Variants in INTS14 observed in about 807,000 individuals in gnomAD.
INTS14 encodes the protein UPF0464 protein C15orf44.
In INTS14, 27 loss-of-function variants were observed where a neutral mutation model predicts 56.9. That is an observed-to-expected ratio of 0.47 (90% CI 0.35 to 0.65). INTS14 has a LOEUF of 0.65. Ranked by LOEUF, INTS14 falls within the 30% of genes least tolerant of loss-of-function variation. The pLI is 0.00. For missense variants in INTS14, 517 were observed against 632.2 expected, an observed-to-expected ratio of 0.82 and a Z score of 1.95; for synonymous variants, 207 against 236.2, an observed-to-expected ratio of 0.88 and a Z score of 1.13.
chr15:65,595,583 AT>A, intron 7 of INTS14, 149 bp downstream of exon 7: 1 of 618,978 alleles, frequency 1.6e-6, no homozygotes, highest in South Asian at 2.0e-5. Context: ...CTTTTTTGAT[AT>A]ATTAGGCAAT....
In INTS14 at chr15:65,599,687, C is replaced by A. The variant is rs1596258654; in HGVS notation, c.486+87G>T. 15 of 1,410,974 alleles carry A rather than the reference C, an allele frequency of 1.1e-5. No individual in the cohort carries two copies. In the East Asian group the frequency reaches 2.6e-4, roughly 24 times the overall value. The allele number at this position is 1,410,974 out of a possible 1,614,324, so 87.4% of individuals were successfully genotyped here. On this transcript the variant is annotated intron_variant, in intron 4 of 11. Transcript: ENST00000313182. Reference sequence around the variant, plus strand: ...ATGGAGTTCAATGCTACAGTATATACAATATAGCACTAGTGGTATATACTG... The same window carrying A: ...ATGGAGTTCAATGCTACAGTATATAAAATATAGCACTAGTGGTATATACTG...
At chr15:65,582,658 G>A (rs2072668578) in intron 10 of INTS14, among the ~76,000 whole-genome samples, 1 of 152,266 alleles carries the variant, frequency 6.6e-6, no homozygotes, top group East Asian at 1.9e-4. Flanking sequence ...TGATCTCTTA[G>A]TTAAGACAGC....
intron 1 of INTS14, chr15:65,610,884 C>A: frequency 6.7e-7 from 1 of 1,496,226 alleles, no homozygotes; most frequent in Non-Finnish European, 8.9e-7. Flanking sequence ...CGAAATCGTG[C>A]AGTTTACGCG....
chr15:65,596,894 T>C (rs546725932), intron 6 of INTS14, among the ~76,000 whole-genome samples: 1 of 152,320 alleles, frequency 6.6e-6, no homozygotes, highest in South Asian at 2.1e-4. Flanking sequence ...AGTGTGCTTC[T>C]CTGGAGATTT....
rs775976141 is a variant in INTS14, at chr15:65,607,457, T to C, written c.-62-15A>G. 3.2e-6 allele frequency: 5 copies of C among 1,576,140 alleles called. No homozygotes were observed. Among genetic ancestry groups the C allele is most frequent in the Non-Finnish European group, 4.3e-6 (5 of 1,156,768 alleles). On this transcript the variant is annotated splice_polypyrimidine_tract_variant and intron_variant, in intron 1 of 11. Transcript: ENST00000313182. ...ACGAAGAAATGCTGCAGAAAATAAA[T>C]ACGTTCTTACATGTCATGGAGAGAA... is the stretch of plus-strand genomic sequence containing the variant.
chr15:65,593,557 CCCA>C lies in INTS14; in HGVS notation c.854_856del (p.Val285del). 6.2e-7 allele frequency: 1 copy of C among 1,612,276 alleles called. No individual in the cohort carries two copies. Among genetic ancestry groups the C allele is most frequent in the Non-Finnish European group, 8.5e-7 (1 of 1,179,466 alleles). On this transcript the variant is annotated inframe_deletion, in exon 8 of 12. Transcript: ENST00000313182. ...TTCATTGTCATCAGTGATGCCAGTA[CCCA>C]CCTCATCACCTTCTGTGAAAAAAAG... is the stretch of plus-strand genomic sequence containing the variant.
chr15:65,607,315 G>A lies in INTS14; in HGVS notation c.66C>T (p.Ser22=), dbSNP rs369672173. The part of the protein sequence containing the change: ...SMTRPVSIEG[S]EEYQRKHLAA... The stretch of plus-strand genomic sequence containing the variant: ...CTAGGTGCTTACGCTGGTATTCCTC[G>A]GACCCCTCAATAGACACAGGTCGGG... Residue 22 remains serine (S), a synonymous_variant, in exon 2 of 12, where the codon TCC becomes TCT. Coordinates refer to ENST00000313182, the MANE Select transcript of INTS14 (RefSeq NM_001394796.1). The A allele has an allele frequency of 1.5e-5, 24 of 1,613,956 alleles. No homozygotes were observed. The highest frequency in any genetic ancestry group is 7.7e-5 in the South Asian group (7 of 91,080).
intron 1 of INTS14, 175 bp downstream of exon 1, chr15:65,610,923 G>C: frequency 6.8e-7 from 1 of 1,465,008 alleles, no homozygotes; most frequent in South Asian, 1.4e-5. Context: ...CTCAGAGCGA[G>C]GGGAGGCCGG....
intron 8 of INTS14, among the ~76,000 whole-genome samples, chr15:65,591,960 G>A (rs1380282055): frequency 6.6e-6 from 1 of 152,196 alleles, no homozygotes; most frequent in Admixed American, 6.5e-5. Context: ...ATGTGGATAT[G>A]GAAATCAAAA....
intron 1 of INTS14, 173 bp downstream of exon 1, chr15:65,610,925 G>C: frequency 6.8e-7 from 1 of 1,464,476 alleles, no homozygotes; most frequent in Non-Finnish European, 9.0e-7. Flanking sequence ...CAGAGCGAGG[G>C]GAGGCCGGGA....
At chr15:65,593,673 A>G in intron 7 of INTS14, 101 bp from the exon 8 acceptor site, 1 of 1,377,096 alleles carries the variant, frequency 7.3e-7, no homozygotes, top group Non-Finnish European at 9.7e-7. Context: ...GGGATAGTGT[A>G]GAGTTCTAAG....
At position 65,581,311 on chromosome 15, in the gene INTS14, C is replaced by T. The variant is rs918546654; in HGVS notation, c.1305+643G>A. Among the ~76,000 whole-genome samples the T allele has an allele frequency of 3.5e-5, 5 of 141,050 alleles. 1 individual carries two copies. The highest frequency in any genetic ancestry group is 1.9e-4 in the East Asian group (1 of 5,154). 92.5% of individuals were successfully genotyped at this position (141,050 alleles called of 152,430 possible). On this transcript the variant is annotated intron_variant, in intron 11 of 11. Transcript: ENST00000313182. ...AGGAGAATTGTTTGAGCCCGCGAGGCGGAGGTTGCAGTGAGCTGAGATCGT... is the reference window on the plus strand; with the variant it reads ...AGGAGAATTGTTTGAGCCCGCGAGGTGGAGGTTGCAGTGAGCTGAGATCGT...
intron 7 of INTS14, among the ~76,000 whole-genome samples, chr15:65,595,380 T>C (rs1315224007): frequency 6.6e-6 from 1 of 152,226 alleles, no homozygotes; most frequent in African/African-American, 2.4e-5. Flanking sequence ...TAAAGCTGTA[T>C]TTGACTTGCA....
At position 65,611,116 on chromosome 15, in the gene INTS14, C is replaced by G. The variant is rs1288015777; in HGVS notation, c.-81G>C. On this transcript the variant is annotated 5_prime_UTR_variant, in exon 1 of 12. Coordinates refer to ENST00000313182, the MANE Select transcript of INTS14 (RefSeq NM_001394796.1). Reference sequence around the variant, plus strand: ...CACTCACCCCGTGCCCATCGCCGGACACAGTCCGTCGGCATAAACTTTCCG... The same window carrying G: ...CACTCACCCCGTGCCCATCGCCGGAGACAGTCCGTCGGCATAAACTTTCCG... 1 of 1,535,308 alleles carries G rather than the reference C, an allele frequency of 6.5e-7. No individual in the cohort carries two copies.
chr15:65,609,509 C>T lies in INTS14; in HGVS notation c.-63+1589G>A, dbSNP rs185218370. Reference sequence around the variant, plus strand: ...CCATGCCACATTTTGCCCATGATGTCTCCTCAAAACTTATCACAGTAACTG... The same window carrying T: ...CCATGCCACATTTTGCCCATGATGTTTCCTCAAAACTTATCACAGTAACTG... On this transcript the variant is annotated intron_variant, in intron 1 of 11. Transcript: ENST00000313182. Among the ~76,000 whole-genome samples the T allele has an allele frequency of 5.0e-4, 76 of 152,278 alleles. 1 individual carries two copies. The East Asian group carries it at 0.012, about 25-fold the overall frequency.
intron 11 of INTS14, among the ~76,000 whole-genome samples, chr15:65,581,438 C>T (rs2072612331): frequency 7.1e-6 from 1 of 141,198 alleles, no homozygotes; most frequent in African/African-American, 2.7e-5. Flanking sequence ...GTACTAGCTA[C>T]TCAGGAGGCT....
Position 65,598,920 on chromosome 15 carries a change from A to G in INTS14, c.557T>C (p.Phe186Ser). ...CAAGCACAGGGGGCCATCAATAGTA[A>G]AAATCTGCCCTTCACCATTGTTTAA... ...IDLNNGEGQI[F>S]TIDGPLCLKN... The change falls in exon 5 of 12, where the codon TTT (phenylalanine) becomes TCT (serine). Residue 186 changes from phenylalanine (F) to serine (S), a missense_variant. By Grantham distance (155) the Phe-to-Ser change is radical. Coordinates refer to ENST00000313182, the MANE Select transcript of INTS14 (RefSeq NM_001394796.1). 6.2e-7 allele frequency: 1 copy of G among 1,614,056 alleles called. No individual in the cohort carries two copies. The highest frequency in any genetic ancestry group is 8.5e-7 in the Non-Finnish European group (1 of 1,179,964).
At chr15:65,582,073 AAAT>A (rs2072645029) in intron 10 of INTS14, 54 bp from the exon 11 acceptor site, 1 of 1,433,970 alleles carries the variant, frequency 7.0e-7, no homozygotes, top group South Asian at 1.2e-5. Flanking sequence ...TAAAAAAGGG[AAAT>A]AATATAAAAG....
chr15:65,583,202 G>A (rs1182516328), intron 10 of INTS14, among the ~76,000 whole-genome samples: 1 of 152,066 alleles, frequency 6.6e-6, no homozygotes, highest in Non-Finnish European at 1.5e-5. Context: ...ATACCCAAGA[G>A]TATTGAAAAC....
Sources: gnomAD v4.1 joint callset for allele counts (sites outside exome capture counted in the v4.1 genomes callset) on GRCh38, gnomAD v4.1.1 for gene constraint, MANE v1.5 for transcripts, NCBI Gene and HGNC (gene_info 2026-07-23, HGNC 2026-07-21) for gene names.